The following ZNF83 variants were observed in gnomAD, a reference collection of about 807,000 sequenced individuals.
ZNF83 encodes the protein zinc finger protein 83.
For missense variants in ZNF83, 552 were observed against 629.9 expected, an observed-to-expected ratio of 0.88 and a Z score of 1.32; for synonymous variants, 209 against 213.0, an observed-to-expected ratio of 0.98 and a Z score of 0.17.
chr19:52,653,343 ATGT>A lies in ZNF83; in HGVS notation c.-74+2215_-74+2217del. On this transcript the variant is annotated intron_variant, in intron 3 of 5. Transcript: ENST00000594682. ...GTTTCTCTCCAGTATGAACTCTCTG[ATGT>A]TGTGCAAGGTATGAATCACGCTGGA... The A allele has an allele frequency of 3.2e-6, 4 of 1,234,350 alleles. No homozygotes were observed. In the East Asian group the frequency reaches 8.1e-5, roughly 25 times the overall value. 76.5% of individuals were successfully genotyped at this position (1,234,350 alleles called of 1,614,324 possible). A position where few individuals can be genotyped will look rare whatever the true frequency, so the allele number is the denominator to read the frequency against.
chr19:52,678,414 CA>C (rs1157188068), intron 1 of ZNF83, among the ~76,000 whole-genome samples: 1 of 137,774 alleles, frequency 7.3e-6, no homozygotes, highest in East Asian at 2.2e-4. Flanking sequence ...TGCACCATTG[CA>C]CTCCAGCCTG....
intron 2 of ZNF83, among the ~76,000 whole-genome samples, chr19:52,620,301 G>A (rs889319241): frequency 1.2e-5 from 1 of 86,302 alleles, no homozygotes; most frequent in South Asian, 3.9e-4. Flanking sequence ...TGTATATATA[G>A]TTTCCTTTAA....
chr19:52,648,645 T>C (rs2061405303), intron 3 of ZNF83, among the ~76,000 whole-genome samples: 1 of 152,196 alleles, frequency 6.6e-6, no homozygotes, highest in Non-Finnish European at 1.5e-5. Context: ...TACTGTAATC[T>C]TGTTCAGTCC....
intron 3 of ZNF83, among the ~76,000 whole-genome samples, chr19:52,653,868 A>G (rs2061474551): frequency 6.6e-6 from 1 of 152,196 alleles, no homozygotes; most frequent in African/African-American, 2.4e-5. Context: ...AATGTGAGCT[A>G]TAATTAAAGG....
intron 3 of ZNF83, among the ~76,000 whole-genome samples, chr19:52,645,614 C>T (rs1431010047): frequency 1.3e-5 from 2 of 152,120 alleles, no homozygotes; most frequent in Non-Finnish European, 2.9e-5. Flanking sequence ...TAAGGTCAGC[C>T]TGGCCAACAT....
At chr19:52,672,438 T>C (rs780012722) in intron 1 of ZNF83, among the ~76,000 whole-genome samples, 8 of 152,154 alleles carry the variant, frequency 5.3e-5, no homozygotes, top group Non-Finnish European at 1.2e-4. Context: ...ATATCTAGAA[T>C]ATTAGCAAGT....
At chr19:52,684,035 A>G (rs2061972336) in intron 1 of ZNF83, among the ~76,000 whole-genome samples, 2 of 152,214 alleles carry the variant, frequency 1.3e-5, no homozygotes, top group Non-Finnish European at 2.9e-5. Flanking sequence ...CGAGTTTGAG[A>G]TTAGCCATGC....
chr19:52,639,869 G>A (rs923591731), upstream of ZNF83, among the ~76,000 whole-genome samples: 1 of 152,200 alleles, frequency 6.6e-6, no homozygotes, highest in Non-Finnish European at 1.5e-5. Flanking sequence ...AAACCAGAAT[G>A]TGATGGGAAA....
At chr19:52,622,417 G>A (rs772182807) in intron 2 of ZNF83, among the ~76,000 whole-genome samples, 3 of 152,122 alleles carry the variant, frequency 2.0e-5, no homozygotes, top group Non-Finnish European at 4.4e-5. Context: ...CCAGATGAGT[G>A]GGATAGAGTT....
At chr19:52,624,524 G>A (rs544693505) in intron 2 of ZNF83, among the ~76,000 whole-genome samples, 5 of 152,272 alleles carry the variant, frequency 3.3e-5, no homozygotes, top group Admixed American at 6.5e-5. Flanking sequence ...CTAGCTGACC[G>A]CACAGATCCT....
intron 3 of ZNF83, chr19:52,652,291 C>A: frequency 4.2e-6 from 1 of 235,470 alleles, no homozygotes; most frequent in Non-Finnish European, 8.4e-6. Flanking sequence ...TAAAAATTAG[C>A]CAGGCTTGGT....
chr19:52,624,655 G>T (rs1378519892), intron 2 of ZNF83, among the ~76,000 whole-genome samples: 1 of 152,154 alleles, frequency 6.6e-6, no homozygotes, highest in Non-Finnish European at 1.5e-5. Context: ...GCAGGGTTGT[G>T]CAGTCGGAAT....
At chr19:52,685,758 C>A (rs1230968791) in intron 1 of ZNF83, among the ~76,000 whole-genome samples, 1 of 151,944 alleles carries the variant, frequency 6.6e-6, no homozygotes, top group Non-Finnish European at 1.5e-5. Flanking sequence ...ATGAGCCAGG[C>A]ATGGTGGCAG....
At chr19:52,657,603 T>C (rs2061522889) in intron 2 of ZNF83, among the ~76,000 whole-genome samples, 1 of 152,188 alleles carries the variant, frequency 6.6e-6, no homozygotes, top group South Asian at 2.1e-4. Context: ...ATCCCAGCAC[T>C]TTGGGATGCC....
At chr19:52,635,211 CAT>C in intron 1 of ZNF83, 58 bp from the exon 2 acceptor site, 1 of 543,386 alleles carries the variant, frequency 1.8e-6, no homozygotes, top group Non-Finnish European at 3.3e-6. Context: ...ATTCCTGTAA[CAT>C]AACAACACAT....
chr19:52,634,409 T>G (rs2061076480), intron 2 of ZNF83, among the ~76,000 whole-genome samples: 1 of 152,190 alleles, frequency 6.6e-6, no homozygotes, highest in African/African-American at 2.4e-5. Flanking sequence ...TTCAGAAGCC[T>G]CTTAACACCA....
At chr19:52,616,129 C>T (rs1216320573) in intron 2 of ZNF83, among the ~76,000 whole-genome samples, 8 of 152,150 alleles carry the variant, frequency 5.3e-5, no homozygotes, top group African/African-American at 7.2e-5. Context: ...TGAGCCACTG[C>T]GCCCAGCCAA....
intron 1 of ZNF83, among the ~76,000 whole-genome samples, chr19:52,671,341 C>A (rs1160833462): frequency 2.6e-5 from 4 of 152,074 alleles, no homozygotes; most frequent in Admixed American, 2.0e-4. Flanking sequence ...TTGTTGACAA[C>A]ATAATATGCT....
chr19:52,652,567 TTTCCAG>T, intron 3 of ZNF83: 1 of 434,536 alleles, frequency 2.3e-6, no homozygotes, highest in Non-Finnish European at 4.6e-6. Context: ...GTAACGTTTC[TTTCCAG>T]TATGAGTTCA....
Sources: gnomAD v4.1 joint callset for allele counts (sites outside exome capture counted in the v4.1 genomes callset) on GRCh38, gnomAD v4.1.1 for gene constraint, MANE v1.5 for transcripts, NCBI Gene and HGNC (gene_info 2026-07-23, HGNC 2026-07-21) for gene names.